Variants in CHODL observed in about 807,000 individuals in gnomAD.
CHODL encodes transmembrane protein MT75.
In CHODL, 29 loss-of-function variants were observed where a neutral mutation model predicts 34.5. The observed-to-expected ratio is 0.84, with a 90% confidence interval of 0.63 to 1.15. The LOEUF (loss-of-function observed/expected upper bound fraction) is 1.15, where lower values mean the gene tolerates loss of function less well. Ranked by LOEUF, CHODL falls within the 50% of genes most tolerant of loss-of-function variation. CHODL has a pLI of 0.00. For synonymous variants in CHODL, 125 were observed against 116.1 expected, an observed-to-expected ratio of 1.08 and a Z score of -0.49; for missense variants, 332 against 332.5, an observed-to-expected ratio of 1.00 and a Z score of 0.01.
chr21:18,170,198 G>A (rs1555878661), intron 2 of CHODL, among the ~76,000 whole-genome samples: 3 of 151,818 alleles, frequency 2.0e-5, no homozygotes, highest in Non-Finnish European at 2.9e-5. Context: ...CTAGAAATAA[G>A]TTTTTGTTTT....
chr21:17,983,902 AGT>A (rs201263555), intron 1 of CHODL, among the ~76,000 whole-genome samples: 1 of 106,546 alleles, frequency 9.4e-6, no homozygotes, highest in Non-Finnish European at 1.9e-5. Flanking sequence ...CCTGTGTGCA[AGT>A]GTGTGTGTGG....
chr21:18,161,099 T>C (rs1173374787), intron 2 of CHODL, among the ~76,000 whole-genome samples: 1 of 152,094 alleles, frequency 6.6e-6, no homozygotes, highest in Non-Finnish European at 1.5e-5. Context: ...TTTTTTCATA[T>C]GCTTGTTGGC....
rs538239174 is a variant in CHODL at position 18,245,083 on chromosome 21, G to C, written c.-141G>C. 9.1e-5 allele frequency: 59 copies of C among 646,438 alleles called. 1 individual carries two copies. In the South Asian group the frequency reaches 1.4e-3, roughly 16 times the overall value. The allele number at this position is 646,438 out of a possible 1,614,324, so 40.0% of individuals were successfully genotyped here. On this transcript the variant is annotated 5_prime_UTR_variant, in exon 1 of 6. Coordinates refer to ENST00000299295, the MANE Select transcript of CHODL (RefSeq NM_024944.3). ...TCCCGGCCGAAGGCGATGCGCGCAG[G>C]GGGTCGGGCAGCTGGGCTCGGGCGG...
At chr21:18,205,332 T>A (rs2073699856) in intron 2 of CHODL, among the ~76,000 whole-genome samples, 1 of 152,246 alleles carries the variant, frequency 6.6e-6, no homozygotes, top group Admixed American at 6.5e-5. Context: ...TCAGCATGAA[T>A]TGAAATGATC....
chr21:17,953,338 A>C (rs1417269495), intron 1 of CHODL, among the ~76,000 whole-genome samples: 2 of 152,134 alleles, frequency 1.3e-5, no homozygotes, highest in Non-Finnish European at 2.9e-5. Flanking sequence ...ATAATGTTGC[A>C]TGCCTGTAGT....
At chr21:18,175,349 T>G (rs1201379470) in intron 2 of CHODL, among the ~76,000 whole-genome samples, 1 of 152,206 alleles carries the variant, frequency 6.6e-6, no homozygotes, top group Non-Finnish European at 1.5e-5. Context: ...ATCTCAGCAC[T>G]TTGGGAGACC....
At chr21:18,017,415 G>A (rs570434856) in intron 1 of CHODL, among the ~76,000 whole-genome samples, 3 of 152,200 alleles carry the variant, frequency 2.0e-5, no homozygotes, top group Non-Finnish European at 2.9e-5. Context: ...ACCATGTGAA[G>A]ATGTGCTTGC....
chr21:18,127,677 T>TTTTTTTTTTTTTTTTTTTTTTTG (rs2146588157), intron 2 of CHODL, among the ~76,000 whole-genome samples: 2 of 112,152 alleles, frequency 1.8e-5, no homozygotes, highest in African/African-American at 3.6e-5. Context: ...CCATTGTTTT[T>TTTTTTTTTTTTTTTTTTTTTTTG]TTTTTTTTTT....
At chr21:18,036,858 G>T (rs2064317531) in intron 2 of CHODL, among the ~76,000 whole-genome samples, 1 of 151,838 alleles carries the variant, frequency 6.6e-6, no homozygotes, top group African/African-American at 2.4e-5. Flanking sequence ...TCTTTCTATT[G>T]TAAAGATTTT....
At chr21:18,172,816 G>T (rs1218560953) in intron 2 of CHODL, among the ~76,000 whole-genome samples, 1 of 152,064 alleles carries the variant, frequency 6.6e-6, no homozygotes, top group African/African-American at 2.4e-5. Context: ...AGTTAATAAA[G>T]GTCAGAAATG....
intron 2 of CHODL, among the ~76,000 whole-genome samples, chr21:18,043,794 C>T (rs980787303): frequency 1.3e-5 from 2 of 151,900 alleles, no homozygotes; most frequent in Admixed American, 6.6e-5. Flanking sequence ...GTTTAATGGA[C>T]CCACAGTTCC....
chr21:18,063,580 G>T (rs1412466867), intron 2 of CHODL, among the ~76,000 whole-genome samples: 3 of 152,060 alleles, frequency 2.0e-5, no homozygotes, highest in Non-Finnish European at 2.9e-5. Flanking sequence ...TGAGAAAAAA[G>T]AAAAATAACT....
intron 3 of CHODL, among the ~76,000 whole-genome samples, 155 bp downstream of exon 3, chr21:18,257,282 A>G (rs1320256546): frequency 2.0e-5 from 3 of 152,322 alleles, no homozygotes; most frequent in Non-Finnish European, 4.4e-5. Flanking sequence ...GTAATGAAGC[A>G]TATCATATGC....
intron 2 of CHODL, among the ~76,000 whole-genome samples, chr21:18,069,895 C>T (rs969202641): frequency 1.3e-5 from 2 of 151,642 alleles, no homozygotes; most frequent in African/African-American, 2.4e-5. Context: ...CAGACATGAG[C>T]CTCTGCACCA....
intron 2 of CHODL, among the ~76,000 whole-genome samples, chr21:18,124,263 C>G (rs1373537839): frequency 6.6e-6 from 1 of 151,962 alleles, no homozygotes; most frequent in African/African-American, 2.4e-5. Flanking sequence ...ATCCCATTAC[C>G]CTAAAGTGGG....
chr21:18,208,116 T>C (rs2073733202), intron 2 of CHODL, among the ~76,000 whole-genome samples: 2 of 152,084 alleles, frequency 1.3e-5, no homozygotes, highest in South Asian at 4.1e-4. Context: ...TTTACTGTTT[T>C]GAGTTTATTT....
chr21:18,221,649 G>A (rs142743263), intron 2 of CHODL, among the ~76,000 whole-genome samples: 5 of 152,280 alleles, frequency 3.3e-5, no homozygotes, highest in East Asian at 1.9e-4. Context: ...AGCAACACAC[G>A]TTATGTCTGT....
rs193056274 is a variant in CHODL, at chr21:18,245,188, G to A, written c.-36G>A. ...TGCGCCCTGGGCAGAGGCCGCCCTCGCTCCACGCAACACCTGCTGCTGCCA... is the reference window on the plus strand; with the variant it reads ...TGCGCCCTGGGCAGAGGCCGCCCTCACTCCACGCAACACCTGCTGCTGCCA... On this transcript the variant is annotated 5_prime_UTR_variant, in exon 1 of 6. Transcript: ENST00000299295. 5.9e-6 allele frequency: 8 copies of A among 1,362,212 alleles called. No homozygotes were observed. The highest frequency in any genetic ancestry group is 6.8e-5 in the East Asian group (2 of 29,352). 84.4% of individuals were successfully genotyped at this position (1,362,212 alleles called of 1,614,324 possible).
chr21:17,918,783 A>G (rs1164383228), intron 1 of CHODL, among the ~76,000 whole-genome samples: 1 of 152,224 alleles, frequency 6.6e-6, no homozygotes, highest in Non-Finnish European at 1.5e-5. Context: ...TATCTGCGGT[A>G]AGGCAAGTCA....
Sources: gnomAD v4.1 joint callset for allele counts (sites outside exome capture counted in the v4.1 genomes callset) on GRCh38, gnomAD v4.1.1 for gene constraint, MANE v1.5 for transcripts, NCBI Gene and HGNC (gene_info 2026-07-23, HGNC 2026-07-21) for gene names.